The following DNMT1 variants were observed in gnomAD, a reference collection of about 807,000 sequenced individuals.
The protein encoded by DNMT1 is DNA (cytosine-5)-methyltransferase 1.
A neutral mutation model predicts 205.3 loss-of-function variants in DNMT1; 24 were observed. That is an observed-to-expected ratio of 0.12 (90% CI 0.08 to 0.16). DNMT1 has a LOEUF of 0.16. Ranked by LOEUF, DNMT1 falls within the 10% of genes least tolerant of loss-of-function variation. The pLI, the probability that DNMT1 is intolerant of heterozygous loss-of-function variation, is 1.00. For missense variants in DNMT1, 1,293 were observed against 2,177.7 expected (o/e 0.59, Z 8.09); for synonymous variants, 817 against 839.8 (o/e 0.97, Z 0.47).
chr19:10,146,373 G>A lies in DNMT1; in HGVS notation c.2872C>T (p.Pro958Ser). 6.2e-7 allele frequency: 1 copy of A among 1,614,050 alleles called. No homozygotes were observed. The highest frequency in any genetic ancestry group is 8.5e-7 in the Non-Finnish European group (1 of 1,180,016). ...LYRVGDGVYLPPEAFTFNIKL... is the reference protein window; with the variant it reads ...LYRVGDGVYLSPEAFTFNIKL... ...TACTTGAACGTGAAGGCCTCAGGGGGCAGGTACACACCATCACCAACTCGG... is the reference window on the plus strand; with the variant it reads ...TACTTGAACGTGAAGGCCTCAGGGGACAGGTACACACCATCACCAACTCGG... Residue 958 changes from proline (P) to serine (S), a missense_variant, in exon 28 of 41, where the codon CCC (proline) becomes TCC (serine). By Grantham distance (74) the Pro-to-Ser change is moderately conservative. Coordinates refer to ENST00000359526, the MANE Select transcript of DNMT1 (RefSeq NM_001130823.3). This position sits in a 1 kb window ranked among gnomAD's most constrained non-coding sequence, Gnocchi z 4.4.
At chr19:10,149,791 C>T in intron 25 of DNMT1, 62 bp downstream of exon 25, 1 of 1,606,560 alleles carries the variant, frequency 6.2e-7, no homozygotes, top group Non-Finnish European at 8.5e-7. Context: ...TTTGGCAAAA[C>T]AGGCATCTCC....
At chr19:10,183,125 A>ATTT (rs201154797) in intron 1 of DNMT1, among the ~76,000 whole-genome samples, 1 of 117,482 alleles carries the variant, frequency 8.5e-6, no homozygotes, top group Non-Finnish European at 1.7e-5. Flanking sequence ...ATATATATAT[A>ATTT]TTTTTTTTTT....
Position 10,151,476 on chromosome 19 carries a change from C to T in DNMT1, c.2187G>A (p.Pro729=), listed in dbSNP as rs1348393234. 3.1e-6 allele frequency: 5 copies of T among 1,614,034 alleles called. No homozygotes were observed. The highest frequency in any genetic ancestry group is 1.7e-6 in the Non-Finnish European group (2 of 1,180,012). The change falls in exon 24 of 41, where the codon CCG becomes CCA. Residue 729 remains proline, a synonymous_variant. Coordinates refer to ENST00000359526, the MANE Select transcript of DNMT1 (RefSeq NM_001130823.3). The surrounding 1 kb of genome is among the most constrained non-coding windows in gnomAD (Gnocchi z 5.0). ...TCCCCTGGTGCATTTTTTTGGGTGA[C>T]GGCATCTCTGGGATGTTATCATCGA... ...EEVDDNIPEM[P]SPKKMHQGKK...
chr19:10,180,805 G>T lies in DNMT1; in HGVS notation c.198C>A (p.Thr66=). 1.2e-6 allele frequency: 2 copies of T among 1,614,048 alleles called. No homozygotes were observed. Among genetic ancestry groups the T allele is most frequent in the South Asian group, 1.1e-5 (1 of 91,076 alleles). Residue 66 remains threonine, a synonymous_variant, in exon 3 of 41, where the codon ACC becomes ACA. Transcript: ENST00000359526. The part of the protein sequence containing the change: ...EIKNQLCDLE[T]KLRKEELSEE... ...CGGATAATTCTTCTTTACGTAATTT[G>T]GTTTCCAAGTCACATAACTGATTCT...
chr19:10,168,096 C>T (rs1326999442), intron 10 of DNMT1, among the ~76,000 whole-genome samples: 1 of 151,926 alleles, frequency 6.6e-6, no homozygotes, highest in Non-Finnish European at 1.5e-5. Context: ...GTACTCCAGC[C>T]TGGGTGACAC....
chr19:10,137,686 C>A lies in DNMT1; in HGVS notation c.4293+146G>T, dbSNP rs141232635. On this transcript the variant is annotated intron_variant, in intron 36 of 40. Transcript: ENST00000359526. The surrounding 1 kb of genome is among the most constrained non-coding windows in gnomAD (Gnocchi z 6.4). ...CTTCCCATGACCATGCAAGAGAGAC[C>A]AGGGGTCACACAAAGGCTGAGGACT... 9.9e-5 allele frequency: 113 copies of A among 1,143,998 alleles called. 1 individual carries two copies. In the African/African-American group the frequency reaches 1.4e-3, roughly 15 times the overall value. The allele number at this position is 1,143,998 out of a possible 1,614,324, so 70.9% of individuals were successfully genotyped here. A position where few individuals can be genotyped will look rare whatever the true frequency, so the allele number is the denominator to read the frequency against.
intron 9 of DNMT1, among the ~76,000 whole-genome samples, chr19:10,169,217 T>C (rs2038758143): frequency 6.6e-6 from 1 of 151,844 alleles, no homozygotes; most frequent in South Asian, 2.1e-4. Context: ...TGTGGTAGTC[T>C]GTGAAGAGAT....
At chr19:10,168,839 T>A (rs1032175007) in intron 9 of DNMT1, among the ~76,000 whole-genome samples, 1 of 152,170 alleles carries the variant, frequency 6.6e-6, no homozygotes, top group Non-Finnish European at 1.5e-5. Context: ...ACTGCATTTA[T>A]TCATTTATTT....
intron 9 of DNMT1, among the ~76,000 whole-genome samples, chr19:10,170,486 A>C (rs994099224): frequency 6.6e-6 from 1 of 152,096 alleles, no homozygotes; most frequent in African/African-American, 2.4e-5. Flanking sequence ...TAAAAGTACA[A>C]AAAGTTAATT....
intron 1 of DNMT1, among the ~76,000 whole-genome samples, chr19:10,193,708 C>T (rs979359647): frequency 1.3e-5 from 2 of 150,044 alleles, no homozygotes; most frequent in Non-Finnish European, 1.5e-5. Context: ...GGGGGTTGAA[C>T]CAAATATCCA....
At position 10,137,495 on chromosome 19, in the gene DNMT1, G is replaced by T. The variant is rs2089511379; in HGVS notation, c.4294-215C>A. On this transcript the variant is annotated intron_variant, in intron 36 of 40. Transcript: ENST00000359526. The surrounding 1 kb of genome is among the most constrained non-coding windows in gnomAD (Gnocchi z 6.4). ...AGGAGAGCGTGGGAATCTAAGCTGA[G>T]CCTTTAGGGTGGGGGAAGGGGAGTG... 1.5e-6 allele frequency: 1 copy of T among 662,530 alleles called. No homozygotes were observed. Among genetic ancestry groups the T allele is most frequent in the Admixed American group, 2.8e-5 (1 of 36,278 alleles). 41.0% of individuals were successfully genotyped at this position (662,530 alleles called of 1,614,324 possible). A position where few individuals can be genotyped will look rare whatever the true frequency, so the allele number is the denominator to read the frequency against.
intron 14 of DNMT1, 39 bp downstream of exon 14, chr19:10,160,345 T>C: frequency 6.2e-7 from 1 of 1,613,642 alleles, no homozygotes; most frequent in Non-Finnish European, 8.5e-7. Flanking sequence ...ATTTTAACAT[T>C]ACCATCTGCT....
rs762172122 is a variant in DNMT1, at chr19:10,151,403, C to T, written c.2260G>A (p.Val754Ile). 1.9e-5 allele frequency: 31 copies of T among 1,613,258 alleles called. No individual in the cohort carries two copies. The highest frequency in any genetic ancestry group is 1.7e-4 in the Middle Eastern group (1 of 6,038). ...CAAGGGGCTCCAAGGGTTACCTTGACGGCTTCTCCGACCCAAGAGATGCGA... is the reference window on the plus strand; with the variant it reads ...CAAGGGGCTCCAAGGGTTACCTTGATGGCTTCTCCGACCCAAGAGATGCGA... ...KNRISWVGEA[V>I]KTDGKKSYYK... is the part of the protein sequence containing the mutation. The change falls in exon 24 of 41, where the codon GTC (valine) becomes ATC (isoleucine). Residue 754 changes from valine (V) to isoleucine (I), a missense_variant. Physicochemically the swap from Val to Ile is conservative, Grantham distance 29. Around this residue, in one of 13 missense-constraint regions of DNMT1, gnomAD observed 197 missense variants for 353.6 expected, o/e 0.56. Transcript: ENST00000359526. This position sits in a 1 kb window ranked among gnomAD's most constrained non-coding sequence, Gnocchi z 5.0.
At chr19:10,141,988 T>A in intron 30 of DNMT1, 40 bp downstream of exon 30, 1 of 1,607,984 alleles carries the variant, frequency 6.2e-7, no homozygotes, top group Non-Finnish European at 8.5e-7. Context: ...CTGGCCAACT[T>A]TGACCCCGAA....
intron 34 of DNMT1, 90 bp downstream of exon 34, chr19:10,139,586 T>C (rs1462156141): frequency 7.1e-6 from 11 of 1,544,270 alleles, no homozygotes; most frequent in East Asian, 2.4e-5. Flanking sequence ...GCCTATGCCA[T>C]TGAACCCTGC....
In DNMT1 at chr19:10,183,125, A is replaced by ATATACGTGTGTATATATATATTT. The variant is rs767124770; in HGVS notation, c.81-1049_81-1048insAAATATATATATACACACGTATA. Among the ~76,000 whole-genome samples, 216 of 117,432 alleles carry ATATACGTGTGTATATATATATTT rather than the reference A, an allele frequency of 1.8e-3. 1 individual carries two copies. Among genetic ancestry groups the ATATACGTGTGTATATATATATTT allele is most frequent in the African/African-American group, 5.5e-3 (163 of 29,606 alleles). 77.0% of individuals were successfully genotyped at this position (117,432 alleles called of 152,430 possible). A position where few individuals can be genotyped will look rare whatever the true frequency, so the allele number is the denominator to read the frequency against. ...TATATACGTGTGTATATATATATAT[A>ATATACGTGTGTATATATATATTT]TTTTTTTTTTTTGAGATAGGGTTTT... On this transcript the variant is annotated intron_variant, in intron 1 of 40. Coordinates refer to ENST00000359526, the MANE Select transcript of DNMT1 (RefSeq NM_001130823.3).
rs759807018 is a variant in DNMT1 at position 10,137,898 on chromosome 19, C to A, written c.4227G>T (p.Gln1409His). ...ALEISYNGEP[Q>H]SWFQRQLRGA... ...CCCGGAGCTGCCTCTGGAACCAGGA[C>A]TGAGGCTCCCCGTTGTAGGAGATCT... is the stretch of plus-strand genomic sequence containing the variant. Residue 1409 changes from glutamine to histidine, a missense_variant, in exon 36 of 41, where the codon CAG becomes CAT. Transcript: ENST00000359526. The surrounding 1 kb of genome is among the most constrained non-coding windows in gnomAD (Gnocchi z 6.4). 1 of 1,613,524 alleles carries A rather than the reference C, an allele frequency of 6.2e-7. No homozygotes were observed.
Position 10,160,092 on chromosome 19 carries a change from G to T in DNMT1, c.1044-29C>A, listed in dbSNP as rs751382065. ...GGGGAAAAAAAAAAATCACAAGATC[G>T]TTTGTTTAATTGTTTCAGAAAATAT... is the stretch of plus-strand genomic sequence containing the variant. On this transcript the variant is annotated intron_variant, in intron 14 of 40. Coordinates refer to ENST00000359526, the MANE Select transcript of DNMT1 (RefSeq NM_001130823.3). 2.5e-6 allele frequency: 4 copies of T among 1,611,266 alleles called. No homozygotes were observed. The African/African-American group carries it at 5.3e-5, about 22-fold the overall frequency.
intron 13 of DNMT1, 43 bp downstream of exon 13, chr19:10,162,619 GGAAAA>G: frequency 7.1e-7 from 1 of 1,407,824 alleles, no homozygotes; most frequent in Non-Finnish European, 9.7e-7. Flanking sequence ...CCCGTCTTGG[GGAAAA>G]AAAAAAAAAA....
Sources: gnomAD v4.1 joint callset for allele counts (sites outside exome capture counted in the v4.1 genomes callset) on GRCh38, gnomAD v4.1.1 for gene constraint, gnomAD v4.1.1 regional missense constraint, Gnocchi (gnomAD v3.1) non-coding constraint, MANE v1.5 for transcripts, NCBI Gene and HGNC (gene_info 2026-07-23, HGNC 2026-07-21) for gene names.